The following EXTL3 variants were observed in gnomAD, a reference collection of about 807,000 sequenced individuals.
The protein encoded by EXTL3 is exostosin-like 3.
Under a neutral mutation model 69.3 loss-of-function variants are expected in EXTL3, and 27 were observed. The ratio of observed to expected loss-of-function variants is 0.39; its 90% CI spans 0.29 to 0.54. The LOEUF (loss-of-function observed/expected upper bound fraction) is 0.54. Among genes scored for constraint, EXTL3 ranks in the 20% least tolerant of loss-of-function variants. The pLI, the probability that EXTL3 is intolerant of heterozygous loss-of-function variation, is 0.69. For synonymous variants in EXTL3, 511 were observed against 499.4 expected (o/e 1.02, Z -0.31); for missense variants, 1,003 against 1,231.8 (o/e 0.81, Z 2.78).
At chr8:28,633,516 C>T (rs1346916080) in intron 1 of EXTL3, among the ~76,000 whole-genome samples, 3 of 151,842 alleles carry the variant, frequency 2.0e-5, no homozygotes, top group African/African-American at 4.8e-5. Flanking sequence ...CGCCTGTAGT[C>T]CCAGCTACTT....
Position 28,717,386 on chromosome 8 carries a change from A to T in EXTL3, c.1327A>T (p.Ile443Phe). The change falls in exon 3 of 7, where the codon ATT becomes TTT. Residue 443 changes from isoleucine (I) to phenylalanine (F), a missense_variant. This residue lies in a region of EXTL3 where 742 missense variants were observed against 815.4 expected (regional missense o/e 0.91). Transcript: ENST00000220562. The surrounding 1 kb of genome is among the most constrained non-coding windows in gnomAD (Gnocchi z 8.3). ...IITPGDPRLV[I>F]SSGCATRLFE... is the part of the protein sequence containing the mutation. Reference sequence around the variant, plus strand: ...TACCCCCGGGGACCCTCGCTTGGTTATTTCCTCTGGGTGTGCAACACGGCT... The same window carrying T: ...TACCCCCGGGGACCCTCGCTTGGTTTTTTCCTCTGGGTGTGCAACACGGCT... 1 of 1,613,864 alleles carries T rather than the reference A, an allele frequency of 6.2e-7. No individual in the cohort carries two copies. Among genetic ancestry groups the T allele is most frequent in the Non-Finnish European group, 8.5e-7 (1 of 1,179,980 alleles).
intron 1 of EXTL3, among the ~76,000 whole-genome samples, chr8:28,705,932 G>A (rs1362369773): frequency 6.6e-6 from 1 of 152,090 alleles, no homozygotes; most frequent in Non-Finnish European, 1.5e-5. Flanking sequence ...TGCCTCTGTT[G>A]GTGTTTTTGC....
intron 1 of EXTL3, among the ~76,000 whole-genome samples, chr8:28,645,973 C>G (rs1806822809): frequency 6.6e-6 from 1 of 152,068 alleles, no homozygotes; most frequent in Non-Finnish European, 1.5e-5. Flanking sequence ...GGAGATCCTC[C>G]CACCTCAGAC....
rs529072294 is a variant in EXTL3 at position 28,739,440 on chromosome 8, CCT to C, written c.2421+1780_2421+1781del. Reference sequence around the variant, plus strand: ...CTCTTGGGCCCAGGTGACCCTCCTGCCTCTGTCTCCTGGGTAGCTGGGACTAC... The same window carrying C: ...CTCTTGGGCCCAGGTGACCCTCCTGCCTGTCTCCTGGGTAGCTGGGACTAC... On this transcript the variant is annotated intron_variant, in intron 5 of 6. Transcript: ENST00000220562. 2.2e-3 allele frequency among the ~76,000 whole-genome samples: 332 copies of C among 152,270 alleles called. 2 individuals are homozygous for C. The highest frequency in any genetic ancestry group is 2.4e-3 in the Non-Finnish European group (162 of 68,036).
intron 1 of EXTL3, among the ~76,000 whole-genome samples, chr8:28,666,035 A>G (rs1475220501): frequency 6.6e-6 from 1 of 152,016 alleles, no homozygotes; most frequent in African/African-American, 2.4e-5. Context: ...TTCTTTGTCA[A>G]TCTCATCCTA....
Position 28,727,031 on chromosome 8 carries a change from C to T in EXTL3, c.2149-4192C>T, listed in dbSNP as rs1036795212. ...GTAACTGGGATTACAGGTGCCCTCC[C>T]CCATGCCTGGCTAGATTTTTAAAAA... On this transcript the variant is annotated intron_variant, in intron 3 of 6. Coordinates refer to ENST00000220562, the MANE Select transcript of EXTL3 (RefSeq NM_001440.4). 9.7e-4 allele frequency among the ~76,000 whole-genome samples: 147 copies of T among 151,762 alleles called. 1 individual carries two copies. Among genetic ancestry groups the T allele is most frequent in the African/African-American group, 3.2e-3 (133 of 41,414 alleles).
chr8:28,700,844 CA>C (rs1800770543), upstream of EXTL3: 1 of 152,256 alleles, frequency 6.6e-6, no homozygotes, highest in Non-Finnish European at 1.5e-5. Flanking sequence ...AACACACAGT[CA>C]CGTGTTCCTT....
chr8:28,751,862 T>TGTG lies in EXTL3; in HGVS notation c.*999_*1001dup, dbSNP rs1215512537. The stretch of plus-strand genomic sequence containing the variant: ...GGAGATCAGCAGCGTGCACATCTGC[T>TGTG]GTGGTCTGAAGTGGTTTGCAGGTCA... On this transcript the variant is annotated 3_prime_UTR_variant, in exon 7 of 7. Transcript: ENST00000220562. 3.3e-5 allele frequency: 5 copies of TGTG among 152,468 alleles called. No individual in the cohort carries two copies. In the South Asian group the frequency reaches 1.0e-3, roughly 32 times the overall value. The allele number at this position is 152,468 out of a possible 1,614,324, so 9.4% of individuals were successfully genotyped here.
At chr8:28,665,416 CTTTTTTT>C (rs34069791) in intron 1 of EXTL3, among the ~76,000 whole-genome samples, 22 of 115,392 alleles carry the variant, frequency 1.9e-4, no homozygotes, top group South Asian at 1.5e-3. Flanking sequence ...CACTTGTTTA[CTTTTTTT>C]TTTTTTTTTT....
chr8:28,715,559 C>A (rs1466831235), intron 2 of EXTL3, 26 bp from the exon 3 acceptor site: 1 of 157,094 alleles, frequency 6.4e-6, no homozygotes, highest in Non-Finnish European at 1.4e-5. Flanking sequence ...TTCTTCAAGA[C>A]TGACATGGTT....
At position 28,752,269 on chromosome 8, in the gene EXTL3, C is replaced by G. The variant is rs145719041; in HGVS notation, c.*1403C>G. Reference sequence around the variant, plus strand: ...TTGGGTCACGGTGGCAGTAGGGGAACCTAGGAGGGTGTGAGTGGCATTTGT... The same window carrying G: ...TTGGGTCACGGTGGCAGTAGGGGAAGCTAGGAGGGTGTGAGTGGCATTTGT... On this transcript the variant is annotated 3_prime_UTR_variant, in exon 7 of 7. Transcript: ENST00000220562. 5.4e-4 allele frequency: 82 copies of G among 152,532 alleles called. No homozygotes were observed. Among genetic ancestry groups the G allele is most frequent in the African/African-American group, 1.7e-3 (71 of 41,508 alleles). 9.4% of individuals were successfully genotyped at this position (152,532 alleles called of 1,614,324 possible). A position where few individuals can be genotyped will look rare whatever the true frequency, so the allele number is the denominator to read the frequency against.
At chr8:28,654,695 C>T (rs1315392280) in intron 1 of EXTL3, among the ~76,000 whole-genome samples, 1 of 152,192 alleles carries the variant, frequency 6.6e-6, no homozygotes, top group African/African-American at 2.4e-5. Flanking sequence ...ATCCACATTG[C>T]AGTCTATATC....
chr8:28,701,384 G>A (rs1800785144), upstream of EXTL3: 1 of 152,060 alleles, frequency 6.6e-6, no homozygotes, highest in Middle Eastern at 3.4e-3. Context: ...GGAGCTGCGG[G>A]AGGCCTCGGC....
chr8:28,666,010 G>A (rs1807191205), intron 1 of EXTL3, among the ~76,000 whole-genome samples: 1 of 152,134 alleles, frequency 6.6e-6, no homozygotes, highest in Non-Finnish European at 1.5e-5. Flanking sequence ...TTGAATCTGT[G>A]GTTTTCTTGT....
intron 2 of EXTL3, among the ~76,000 whole-genome samples, chr8:28,614,080 C>T (rs1806302442): frequency 6.6e-6 from 1 of 151,994 alleles, no homozygotes; most frequent in South Asian, 2.1e-4. Flanking sequence ...ATCTTCCTGC[C>T]TCGGTCTCCT....
chr8:28,687,345 A>G (rs1807593704), intron 1 of EXTL3, among the ~76,000 whole-genome samples: 1 of 152,178 alleles, frequency 6.6e-6, no homozygotes, highest in South Asian at 2.1e-4. Context: ...ATGCGCCTGT[A>G]ATCCCAGCTA....
chr8:28,749,136 T>G (rs1801950678), intron 6 of EXTL3, among the ~76,000 whole-genome samples: 1 of 152,074 alleles, frequency 6.6e-6, no homozygotes, highest in African/African-American at 2.4e-5. Flanking sequence ...GCTTGAAATG[T>G]AAAGTCAACA....
chr8:28,683,346 C>T (rs1382310777), intron 1 of EXTL3, among the ~76,000 whole-genome samples: 1 of 151,862 alleles, frequency 6.6e-6, no homozygotes, highest in Non-Finnish European at 1.5e-5. Context: ...GTAATATGAT[C>T]ATTTTAACAA....
chr8:28,725,893 C>T (rs1050139315), intron 3 of EXTL3, among the ~76,000 whole-genome samples: 5 of 151,392 alleles, frequency 3.3e-5, no homozygotes, highest in African/African-American at 1.2e-4. Flanking sequence ...CTTTTATGTT[C>T]GATCTGTCTT....
Sources: gnomAD v4.1 joint callset for allele counts (sites outside exome capture counted in the v4.1 genomes callset) on GRCh38, gnomAD v4.1.1 for gene constraint, gnomAD v4.1.1 regional missense constraint, Gnocchi (gnomAD v3.1) non-coding constraint, MANE v1.5 for transcripts, NCBI Gene and HGNC (gene_info 2026-07-23, HGNC 2026-07-21) for gene names.